ZBTB46: variants seen among roughly 807,000 people sequenced by gnomAD.
The protein encoded by ZBTB46 is zinc finger and BTB domain-containing protein 46.
Under a neutral mutation model 44.1 loss-of-function variants are expected in ZBTB46, and 8 were observed. The ratio of observed to expected loss-of-function variants is 0.18; its 90% confidence interval spans 0.11 to 0.33. The LOEUF (loss-of-function observed/expected upper bound fraction) is 0.33. ZBTB46 is among the 10% of genes least tolerant of loss of function. ZBTB46 has a pLI of 1.00. For missense variants in ZBTB46, 651 were observed against 847.7 expected (o/e 0.77, Z 2.88); for synonymous variants, 409 against 382.3 (o/e 1.07, Z -0.81).
intron 3 of ZBTB46, among the ~76,000 whole-genome samples, chr20:63,758,116 T>G (rs1312203846): frequency 1.6e-4 from 2 of 12,178 alleles, no homozygotes; most frequent in Non-Finnish European, 2.6e-4. Context: ...CATCCAGGGC[T>G]CACACTCCCT....
chr20:63,826,336 G>A (rs35472805), intron 1 of ZBTB46, among the ~76,000 whole-genome samples: 2,317 of 152,350 alleles, frequency 0.015, 60 homozygotes, highest in African/African-American at 0.053. Flanking sequence ...GGGAAACTGA[G>A]AAGGACTGAG....
At chr20:63,819,295 G>C (rs1241284931) in intron 1 of ZBTB46, among the ~76,000 whole-genome samples, 2 of 152,194 alleles carry the variant, frequency 1.3e-5, no homozygotes, top group Non-Finnish European at 2.9e-5. Flanking sequence ...TAAGCGAACA[G>C]AGAGCGCACC....
intron 2 of ZBTB46, among the ~76,000 whole-genome samples, chr20:63,779,159 CAT>C (rs1276856963): frequency 2.0e-5 from 3 of 152,192 alleles, no homozygotes; most frequent in South Asian, 2.1e-4. Context: ...GGTTTCAACA[CAT>C]GAGTGTGGGG....
At chr20:63,790,912 C>A in intron 1 of ZBTB46, 122 bp from the exon 2 acceptor site, 4 of 1,359,170 alleles carry the variant, frequency 2.9e-6, no homozygotes, top group Non-Finnish European at 3.9e-6. Flanking sequence ...ACGACCCACG[C>A]GAGAGCCCAT....
At chr20:63,780,357 G>T (rs1223953304) in intron 2 of ZBTB46, among the ~76,000 whole-genome samples, 1 of 152,044 alleles carries the variant, frequency 6.6e-6, no homozygotes, top group Non-Finnish European at 1.5e-5. Flanking sequence ...TAAAAGACAG[G>T]TTTCTTAGCA....
intron 1 of ZBTB46, among the ~76,000 whole-genome samples, chr20:63,828,914 G>A (rs2092833732): frequency 1.3e-5 from 2 of 152,350 alleles, no homozygotes; most frequent in Non-Finnish European, 2.9e-5. Context: ...GAGCTGCACC[G>A]CTGTCCCAGA....
chr20:63,833,760 C>T (rs146059570), upstream of ZBTB46, among the ~76,000 whole-genome samples: 1,005 of 152,292 alleles, frequency 6.6e-3, 8 homozygotes, highest in Middle Eastern at 0.02. Context: ...AACAGAAGGT[C>T]AAGCAGCCTG....
At chr20:63,808,891 G>A (rs887700146) in intron 1 of ZBTB46, among the ~76,000 whole-genome samples, 2 of 151,076 alleles carry the variant, frequency 1.3e-5, no homozygotes, top group Admixed American at 6.6e-5. Context: ...GCAGGAGAAT[G>A]GCGGGAACCC....
intron 3 of ZBTB46, among the ~76,000 whole-genome samples, chr20:63,758,820 C>T (rs905471819): frequency 1.3e-5 from 2 of 151,722 alleles, no homozygotes; most frequent in African/African-American, 2.4e-5. Flanking sequence ...CAAGCTCCGC[C>T]TCCCGGGTTC....
At chr20:63,794,717 C>T (rs2092587269) in intron 1 of ZBTB46, among the ~76,000 whole-genome samples, 1 of 152,184 alleles carries the variant, frequency 6.6e-6, no homozygotes, top group South Asian at 2.1e-4. Flanking sequence ...GCTACTCAGG[C>T]TCGACACGCA....
Position 63,790,599 on chromosome 20 carries a change from G to A in ZBTB46, c.159C>T (p.Ser53=). 1.9e-6 allele frequency: 3 copies of A among 1,612,432 alleles called. No individual in the cohort carries two copies. Among genetic ancestry groups the A allele is most frequent in the Non-Finnish European group, 2.5e-6 (3 of 1,180,038 alleles). Residue 53 remains serine (S), a synonymous_variant, in exon 2 of 5, where the codon AGC becomes AGT. Coordinates refer to ENST00000245663, the MANE Select transcript of ZBTB46 (RefSeq NM_001369741.1). Reference sequence around the variant, plus strand: ...GGCAGTAGAGCGTCTTGAAGTAGCGGCTGCTGCCCAGCAGGACGTTCTTGT... The same window carrying A: ...GGCAGTAGAGCGTCTTGAAGTAGCGACTGCTGCCCAGCAGGACGTTCTTGT... The part of the protein sequence containing the change: ...KAHKNVLLGS[S]RYFKTLYCQV...
At chr20:63,777,488 C>G (rs188972334) in intron 2 of ZBTB46, among the ~76,000 whole-genome samples, 11 of 152,128 alleles carry the variant, frequency 7.2e-5, no homozygotes, top group African/African-American at 2.7e-4. Flanking sequence ...CAAAAAAGAT[C>G]AGATAATATT....
intron 1 of ZBTB46, among the ~76,000 whole-genome samples, chr20:63,791,741 TC>T (rs1197422765): frequency 1.4e-4 from 21 of 152,038 alleles, no homozygotes; most frequent in Admixed American, 1.2e-3. Context: ...GGTCTCTGGG[TC>T]CCCCTCATCA....
At chr20:63,802,697 C>T (rs2092656129) in intron 1 of ZBTB46, among the ~76,000 whole-genome samples, 3 of 143,032 alleles carry the variant, frequency 2.1e-5, no homozygotes, top group East Asian at 2.1e-4. Flanking sequence ...CCGCGGCCGA[C>T]GACCGAACCT....
At chr20:63,827,756 ATAAT>A (rs2092827726) in intron 1 of ZBTB46, among the ~76,000 whole-genome samples, 1 of 152,262 alleles carries the variant, frequency 6.6e-6, no homozygotes, top group Non-Finnish European at 1.5e-5. Context: ...GAAGCATTTA[ATAAT>A]TTTAAATTGT....
intron 4 of ZBTB46, among the ~76,000 whole-genome samples, chr20:63,749,969 G>A (rs1422446990): frequency 6.6e-6 from 1 of 152,270 alleles, no homozygotes; most frequent in Non-Finnish European, 1.5e-5. Flanking sequence ...GGGCACTGTG[G>A]CTGCAAGAGC....
rs139093108 is a variant in ZBTB46 at position 63,747,066 on chromosome 20, G to A, written c.1634C>T (p.Ala545Val). 1.6e-4 allele frequency: 252 copies of A among 1,608,616 alleles called. No individual in the cohort carries two copies. The African/African-American group carries it at 2.4e-3, about 16-fold the overall frequency. Residue 545 changes from alanine to valine, a missense_variant, in exon 5 of 5, where the codon GCG becomes GTG. Around this residue, in one of 5 missense-constraint regions of ZBTB46, gnomAD observed 106 missense variants for 81.0 expected, o/e 1.31. Transcript: ENST00000245663. ...CTCGTCGTCCTCGCCCAGCTCCTCC[G>A]CCTCCCCTCGTGGGTCCTCAGGGTC... Reference protein sequence around the residue: ...LEDPEDPRGEAEELGEDDEGL... With the variant: ...LEDPEDPRGEVEELGEDDEGL...
intron 3 of ZBTB46, among the ~76,000 whole-genome samples, chr20:63,772,918 CGTG>C (rs1568850617): frequency 6.6e-6 from 1 of 152,200 alleles, no homozygotes; most frequent in East Asian, 1.9e-4. Flanking sequence ...ACTCCCTCCA[CGTG>C]CTCCGGGGCT....
chr20:63,758,044 CCCATCCAGAGCTCACACTCCCTCCA>C (rs1412391868), intron 3 of ZBTB46, among the ~76,000 whole-genome samples: 451 of 92,374 alleles, frequency 4.9e-3, no homozygotes, highest in South Asian at 6.5e-3. Context: ...CCTCCACCCG[CCCATCCAGAGCTCACACTCCCTCCA>C]CCCGCCCATC....
Sources: gnomAD v4.1 joint callset for allele counts (sites outside exome capture counted in the v4.1 genomes callset) on GRCh38, gnomAD v4.1.1 for gene constraint, gnomAD v4.1.1 regional missense constraint, MANE v1.5 for transcripts, NCBI Gene and HGNC (gene_info 2026-07-23, HGNC 2026-07-21) for gene names.